Variants in ZNF451 observed in about 807,000 individuals in gnomAD.
The protein encoded by ZNF451 is E3 SUMO-protein ligase ZNF451.
ZNF451 carries 80 observed loss-of-function variants against 107.1 expected under a neutral mutation model. The ratio of observed to expected loss-of-function variants is 0.75; its 90% CI spans 0.62 to 0.90. The LOEUF (loss-of-function observed/expected upper bound fraction) is 0.90. ZNF451 is among the 40% of genes least tolerant of loss of function. The pLI, the probability that ZNF451 is intolerant of heterozygous loss-of-function variation, is 0.00. For missense variants in ZNF451, 1,107 were observed against 1,236.2 expected (o/e 0.90, Z 1.57); for synonymous variants, 362 against 406.5 (o/e 0.89, Z 1.32).
At chr6:57,129,296 T>C (rs1831072712) in intron 5 of ZNF451, among the ~76,000 whole-genome samples, 1 of 152,126 alleles carries the variant, frequency 6.6e-6, no homozygotes, top group South Asian at 2.1e-4. Flanking sequence ...TGTCAAAACA[T>C]TGGGTAGCTT....
intron 4 of ZNF451, among the ~76,000 whole-genome samples, chr6:57,126,062 G>A (rs1830914247): frequency 6.6e-6 from 1 of 151,984 alleles, no homozygotes; most frequent in African/African-American, 2.4e-5. Context: ...AGTCTTAATG[G>A]CTACATAGAT....
intron 3 of ZNF451, among the ~76,000 whole-genome samples, chr6:57,117,744 A>G (rs1466566007): frequency 6.6e-6 from 1 of 152,184 alleles, no homozygotes; most frequent in Non-Finnish European, 1.5e-5. Flanking sequence ...CATCAGATTC[A>G]TTTAGTATGC....
chr6:57,164,014 A>G (rs1257021629), intron 14 of ZNF451, among the ~76,000 whole-genome samples: 2 of 152,234 alleles, frequency 1.3e-5, no homozygotes, highest in East Asian at 3.8e-4. Flanking sequence ...AAATAGTGGC[A>G]GAAGACAGGA....
intron 3 of ZNF451, chr6:57,100,647 A>C (rs201819224): frequency 5.6e-5 from 87 of 1,544,664 alleles, no homozygotes; most frequent in Non-Finnish European, 7.4e-5. Flanking sequence ...ATCATCGCCC[A>C]GAAATGTGCT....
rs113509356 is a variant in ZNF451, at chr6:57,141,144, A to C, written c.703-158A>C. Reference sequence around the variant, plus strand: ...ACATTTGGGACCTCGGTTATGATAAAAGTTCCATAATTCACACTCAGGGAA... The same window carrying C: ...ACATTTGGGACCTCGGTTATGATAACAGTTCCATAATTCACACTCAGGGAA... On this transcript the variant is annotated intron_variant, in intron 7 of 14. Transcript: ENST00000370706. Among the ~76,000 whole-genome samples, 65 of 152,346 alleles carry C rather than the reference A, an allele frequency of 4.3e-4. 1 individual carries two copies. The highest frequency in any genetic ancestry group is 3.4e-3 in the Middle Eastern group (1 of 294).
chr6:57,122,308 T>C (rs1407526057), intron 3 of ZNF451, among the ~76,000 whole-genome samples: 1 of 152,156 alleles, frequency 6.6e-6, no homozygotes, highest in East Asian at 1.9e-4. Flanking sequence ...CTTCTAGACA[T>C]TGACTTAGGC....
chr6:57,104,817 A>G (rs1030676242), intron 3 of ZNF451: 5 of 985,408 alleles, frequency 5.1e-6, no homozygotes, highest in Non-Finnish European at 6.0e-6. Flanking sequence ...GATATGCCCA[A>G]GTGTCTCCAG....
intron 3 of ZNF451, among the ~76,000 whole-genome samples, chr6:57,112,409 C>T (rs1830156845): frequency 6.6e-6 from 1 of 152,142 alleles, no homozygotes; most frequent in Admixed American, 6.5e-5. Flanking sequence ...AACTTGGAGT[C>T]CCTTACATAT....
chr6:57,167,180 T>C (rs181859780), intron 14 of ZNF451, among the ~76,000 whole-genome samples: 10,523 of 150,772 alleles, frequency 0.07, 465 homozygotes, highest in East Asian at 0.092. Flanking sequence ...TTCGTATATA[T>C]ATACACACAC....
At chr6:57,140,541 A>AAT (rs565360498) in intron 7 of ZNF451, among the ~76,000 whole-genome samples, 167 of 152,272 alleles carry the variant, frequency 1.1e-3, no homozygotes, top group Admixed American at 3.1e-3. Flanking sequence ...TTAATATTCA[A>AAT]ATATATATAC....
chr6:57,152,097 C>A, intron 11 of ZNF451, 124 bp from the exon 12 acceptor site: 1 of 782,232 alleles, frequency 1.3e-6, no homozygotes, highest in Non-Finnish European at 1.9e-6. Flanking sequence ...GGAGTTCTTC[C>A]ACATTCTGAT....
intron 5 of ZNF451, among the ~76,000 whole-genome samples, chr6:57,130,988 C>G (rs1484283895): frequency 1.3e-5 from 2 of 151,956 alleles, no homozygotes; most frequent in Non-Finnish European, 2.9e-5. Flanking sequence ...TGGTGCTATT[C>G]CATAAATGGG....
intron 3 of ZNF451, among the ~76,000 whole-genome samples, chr6:57,110,276 T>C (rs1280289684): frequency 3.3e-5 from 5 of 152,162 alleles, no homozygotes; most frequent in African/African-American, 1.2e-4. Context: ...GATGATAAAT[T>C]ATCTGTGAAT....
At chr6:57,149,083 C>G (rs563028579) in intron 10 of ZNF451, among the ~76,000 whole-genome samples, 2 of 152,046 alleles carry the variant, frequency 1.3e-5, no homozygotes, top group African/African-American at 4.8e-5. Flanking sequence ...CTTTTTGTTT[C>G]TATTTGGCCA....
intron 3 of ZNF451, among the ~76,000 whole-genome samples, chr6:57,111,058 T>C (rs1023579561): frequency 1.3e-5 from 2 of 151,484 alleles, no homozygotes; most frequent in African/African-American, 4.9e-5. Context: ...TAGCTAGGAT[T>C]ACAGGCGCAT....
intron 3 of ZNF451, chr6:57,124,363 C>G (rs1374931383): frequency 1.4e-5 from 10 of 705,012 alleles, no homozygotes; most frequent in Non-Finnish European, 2.6e-5. Flanking sequence ...GAGGTTCCTG[C>G]TAGAAGGTTT....
rs1562635583 is a variant in ZNF451, at chr6:57,169,483, A to G, written c.*1014A>G. On this transcript the variant is annotated 3_prime_UTR_variant, in exon 15 of 15. Transcript: ENST00000370706. ...AGGGCTTGTCATATTATCTTTGTGT[A>G]TATGCTTCATGTTATTTAACCAGAA... The G allele has an allele frequency of 2.0e-5, 3 of 152,152 alleles. No homozygotes were observed. The South Asian group carries it at 6.2e-4, about 32-fold the overall frequency. The allele number at this position is 152,152 out of a possible 1,614,324, so 9.4% of individuals were successfully genotyped here. A position where few individuals can be genotyped will look rare whatever the true frequency, so the allele number is the denominator to read the frequency against.
chr6:57,095,394 G>A (rs1829244955), intron 2 of ZNF451, among the ~76,000 whole-genome samples: 2 of 145,022 alleles, frequency 1.4e-5, no homozygotes, highest in Admixed American at 7.0e-5. Context: ...GTGCAGTGGC[G>A]TAATCATAGC....
At chr6:57,168,075 A>G (rs1010934264) in intron 14 of ZNF451, among the ~76,000 whole-genome samples, 3 of 152,132 alleles carry the variant, frequency 2.0e-5, no homozygotes, top group Admixed American at 2.0e-4. Context: ...TCTTATATGT[A>G]TCACCTCAAG....
Sources: allele counts gnomAD v4.1 joint callset (sites outside exome capture counted in the v4.1 genomes callset), GRCh38; gene constraint gnomAD v4.1.1; transcripts MANE v1.5; gene names NCBI Gene and HGNC (gene_info 2026-07-23, HGNC 2026-07-21).